The following FAM227A variants were observed in gnomAD, a reference collection of about 807,000 sequenced individuals.
The protein encoded by FAM227A is protein FAM227A.
FAM227A carries 80 observed loss-of-function variants against 74.7 expected under a neutral mutation model. The ratio of observed to expected loss-of-function variants is 1.07; its 90% CI spans 0.89 to 1.29. FAM227A has a LOEUF of 1.29. FAM227A is among the 50% of genes most tolerant of loss of function. FAM227A has a pLI of 0.00. For missense variants in FAM227A, 654 were observed against 683.4 expected (o/e 0.96, Z 0.48); for synonymous variants, 237 against 241.8 (o/e 0.98, Z 0.19).
At position 38,623,196 on chromosome 22, in the gene FAM227A, A is replaced by T. The variant is rs1315117544; in HGVS notation, c.934T>A (p.Leu312Met). ...PERFRREELM[L>M]YRRRLTKGRE... Reference sequence around the variant, plus strand: ...CCCTTTGTCAGTCTTCTTCTGTACAACATTAATTCTTCTCTGCGGAATCGC... The same window carrying T: ...CCCTTTGTCAGTCTTCTTCTGTACATCATTAATTCTTCTCTGCGGAATCGC... Residue 312 changes from leucine to methionine, a missense_variant, in exon 10 of 17, where the codon TTG becomes ATG. Physicochemically the swap from Leu to Met is conservative, Grantham distance 15. Coordinates refer to ENST00000535113, the MANE Select transcript of FAM227A (RefSeq NM_001013647.2). 6.4e-7 allele frequency: 1 copy of T among 1,551,514 alleles called. No homozygotes were observed. The highest frequency in any genetic ancestry group is 2.0e-5 in the Admixed American group (1 of 50,996).
intron 16 of FAM227A, among the ~76,000 whole-genome samples, chr22:38,588,343 G>T (rs1362624340): frequency 6.6e-6 from 1 of 152,168 alleles, no homozygotes; most frequent in Non-Finnish European, 1.5e-5. Context: ...TTTTAGCCAG[G>T]CGCGGTGGCT....
intron 10 of FAM227A, among the ~76,000 whole-genome samples, chr22:38,622,114 C>T (rs1394168105): frequency 6.6e-6 from 1 of 152,204 alleles, no homozygotes; most frequent in Non-Finnish European, 1.5e-5. Flanking sequence ...ATTTACCACC[C>T]CTTTTTCCAG....
chr22:38,620,639 T>TA (rs1210901915), intron 10 of FAM227A, among the ~76,000 whole-genome samples: 68 of 145,114 alleles, frequency 4.7e-4, no homozygotes, highest in South Asian at 8.8e-4. Flanking sequence ...CTGTCTCTAC[T>TA]AAAAAAAAAA....
intron 13 of FAM227A, among the ~76,000 whole-genome samples, chr22:38,600,730 G>C (rs2091156319): frequency 6.6e-6 from 1 of 151,900 alleles, no homozygotes; most frequent in Admixed American, 6.6e-5. Context: ...GGCCGAAGCA[G>C]ATCGCAAGAT....
chr22:38,596,228 G>A (rs1222177447), intron 15 of FAM227A, among the ~76,000 whole-genome samples: 1 of 152,172 alleles, frequency 6.6e-6, no homozygotes, highest in Non-Finnish European at 1.5e-5. Context: ...GGCTGAGGCG[G>A]GAGGATTGCT....
chr22:38,588,476 G>A (rs1462578907), intron 16 of FAM227A, among the ~76,000 whole-genome samples: 5 of 150,688 alleles, frequency 3.3e-5, no homozygotes, highest in South Asian at 2.1e-4. Flanking sequence ...AAAATTAGCC[G>A]GGCGTGGTGG....
intron 1 of FAM227A, among the ~76,000 whole-genome samples, chr22:38,654,279 C>A (rs776321416): frequency 6.2e-4 from 94 of 151,848 alleles, no homozygotes; most frequent in Non-Finnish European, 1.2e-3. Context: ...ACCCAGGAGG[C>A]GGAGCTTGCA....
At chr22:38,606,979 C>T (rs2091297173) in intron 12 of FAM227A, among the ~76,000 whole-genome samples, 1 of 152,042 alleles carries the variant, frequency 6.6e-6, no homozygotes, top group African/African-American at 2.4e-5. Flanking sequence ...GAGTTCGAGA[C>T]CAGCCTGGCC....
rs1479471967 is a variant in FAM227A, at chr22:38,636,520, C to A, written c.450G>T (p.Pro150=). 6.4e-7 allele frequency: 1 copy of A among 1,551,666 alleles called. No individual in the cohort carries two copies. Among genetic ancestry groups the A allele is most frequent in the Non-Finnish European group, 8.7e-7 (1 of 1,146,972 alleles). The change falls in exon 6 of 17, where the codon CCG becomes CCT. Residue 150 remains proline, a synonymous_variant. Coordinates refer to ENST00000535113, the MANE Select transcript of FAM227A (RefSeq NM_001013647.2). ...CCATGTCACAGAAGTCCACGCCATT[C>A]GGAAGCTTGTTTGGCTTGGAGCTGT... ...NFNSSKPNKL[P]NGVDFCDMVG...
At chr22:38,639,609 A>AG in intron 4 of FAM227A, 46 bp downstream of exon 4, 2 of 1,540,788 alleles carry the variant, frequency 1.3e-6, no homozygotes, top group Non-Finnish European at 1.8e-6. Flanking sequence ...TACTAAAAAA[A>AG]CAAACCCCAT....
intron 6 of FAM227A, among the ~76,000 whole-genome samples, chr22:38,635,441 C>T (rs1290695377): frequency 6.6e-6 from 1 of 151,998 alleles, no homozygotes; most frequent in Non-Finnish European, 1.5e-5. Flanking sequence ...GATGAAGAGC[C>T]ATGAGGCACA....
intron 1 of FAM227A, among the ~76,000 whole-genome samples, chr22:38,654,456 C>T (rs2092362585): frequency 6.6e-6 from 1 of 151,984 alleles, no homozygotes; most frequent in Non-Finnish European, 1.5e-5. Context: ...CTGTGCTGGC[C>T]ATCAAAATAG....
chr22:38,642,648 CAA>C (rs2092141354), intron 3 of FAM227A, among the ~76,000 whole-genome samples: 1 of 152,162 alleles, frequency 6.6e-6, no homozygotes, highest in East Asian at 1.9e-4. Context: ...CCAAAATATT[CAA>C]AGAGGCCGGG....
At chr22:38,615,554 T>C (rs897416863) in intron 11 of FAM227A, among the ~76,000 whole-genome samples, 3 of 151,800 alleles carry the variant, frequency 2.0e-5, no homozygotes, top group African/African-American at 7.3e-5. Context: ...GGACAGCGAG[T>C]GCAAAGGCCC....
intron 14 of FAM227A, 45 bp downstream of exon 14, chr22:38,599,719 G>A (rs2091130295): frequency 5.3e-6 from 8 of 1,500,876 alleles, no homozygotes; most frequent in South Asian, 2.6e-5. Flanking sequence ...AAGAGGACGC[G>A]GGGGCCTGGA....
chr22:38,621,248 G>C (rs1391017531), intron 10 of FAM227A, among the ~76,000 whole-genome samples: 3 of 151,738 alleles, frequency 2.0e-5, no homozygotes, highest in African/African-American at 7.3e-5. Context: ...TACTTGGGAG[G>C]CTGAGGCTCA....
intron 15 of FAM227A, among the ~76,000 whole-genome samples, chr22:38,591,835 G>T (rs189601681): frequency 6.6e-6 from 1 of 152,072 alleles, no homozygotes; most frequent in South Asian, 2.1e-4. Context: ...GAGCAACCCT[G>T]CCCTGATGTC....
At chr22:38,641,974 T>TGCGTGC (rs1555973181) in intron 3 of FAM227A, among the ~76,000 whole-genome samples, 1 of 146,012 alleles carries the variant, frequency 6.8e-6, no homozygotes, top group East Asian at 1.9e-4. Flanking sequence ...TGTGTGTGTG[T>TGCGTGC]GCGCACGTGT....
Position 38,610,791 on chromosome 22 carries a change from G to A in FAM227A, c.1039-3315C>T, listed in dbSNP as rs112528119. Among the ~76,000 whole-genome samples the A allele has an allele frequency of 4.8e-3, 732 of 152,344 alleles. 7 individuals carry two copies. The highest frequency in any genetic ancestry group is 0.017 in the African/African-American group (699 of 41,582). On this transcript the variant is annotated intron_variant, in intron 11 of 16. Coordinates refer to ENST00000535113, the MANE Select transcript of FAM227A (RefSeq NM_001013647.2). ...GAAAGTACTTTCCTGGGCCGGCGCG[G>A]TGGCTCACGCCTGCAATCCTGGCAC...
Sources: gnomAD v4.1 joint callset for allele counts (sites outside exome capture counted in the v4.1 genomes callset) on GRCh38, gnomAD v4.1.1 for gene constraint, MANE v1.5 for transcripts, NCBI Gene and HGNC (gene_info 2026-07-23, HGNC 2026-07-21) for gene names.